CPED1: variants seen among roughly 807,000 people sequenced by gnomAD.
The protein encoded by CPED1 is cadherin like and PC-esterase domain containing 1.
A neutral mutation model predicts 128.2 loss-of-function variants in CPED1; 114 were observed. The ratio of observed to expected loss-of-function variants is 0.89; its 90% CI spans 0.76 to 1.04. CPED1 has a LOEUF of 1.04. CPED1 is among the 50% of genes least tolerant of loss of function. CPED1 has a pLI of 0.00. For synonymous variants in CPED1, 462 were observed against 426.7 expected, an observed-to-expected ratio of 1.08 and a Z score of -1.02; for missense variants, 1,211 against 1,207.1, an observed-to-expected ratio of 1.00 and a Z score of -0.05.
At chr7:121,274,400 G>T (rs1364087392) in intron 22 of CPED1, among the ~76,000 whole-genome samples, 2 of 151,916 alleles carry the variant, frequency 1.3e-5, no homozygotes, top group African/African-American at 4.8e-5. Context: ...AGTTTTTGGT[G>T]TGTAATTATC....
intron 5 of CPED1, among the ~76,000 whole-genome samples, chr7:121,089,350 T>C (rs1467936036): frequency 2.0e-5 from 3 of 152,216 alleles, no homozygotes; most frequent in Non-Finnish European, 2.9e-5. Flanking sequence ...ATATGTTTAC[T>C]TTTAAATAAC....
intron 18 of CPED1, among the ~76,000 whole-genome samples, chr7:121,256,269 G>C (rs1186666721): frequency 6.6e-6 from 1 of 151,864 alleles, no homozygotes; most frequent in Non-Finnish European, 1.5e-5. Flanking sequence ...AAAACTCAGA[G>C]ATAAAGCTGC....
chr7:121,279,440 T>TTA (rs1305567236), intron 22 of CPED1, among the ~76,000 whole-genome samples: 1 of 150,070 alleles, frequency 6.7e-6, no homozygotes, highest in Non-Finnish European at 1.5e-5. Context: ...AGCTACTCAC[T>TTA]CACTCCCCAC....
At chr7:121,036,890 G>A (rs1375080910) in intron 3 of CPED1, among the ~76,000 whole-genome samples, 2 of 152,096 alleles carry the variant, frequency 1.3e-5, no homozygotes, top group Non-Finnish European at 2.9e-5. Flanking sequence ...CTGATAATTA[G>A]TGATGTTGAG....
intron 16 of CPED1, among the ~76,000 whole-genome samples, chr7:121,225,073 G>A (rs563257987): frequency 1.3e-5 from 2 of 152,078 alleles, no homozygotes; most frequent in African/African-American, 4.8e-5. Context: ...TAGCATCGAT[G>A]GTCTTTACAA....
Position 121,100,088 on chromosome 7 carries a change from T to C in CPED1, c.912T>C (p.Thr304=). The part of the protein sequence containing the change: ...VWNPPKKKRF[T]VKLQTFFETF... ...ATCCACCAAAGAAAAAACGCTTCAC[T>C]GTCAAGGTAAGCTCTCGGTTGAAGC... Residue 304 remains threonine, a synonymous_variant, in exon 7 of 23, where the codon ACT becomes ACC. Coordinates refer to ENST00000310396, the MANE Select transcript of CPED1 (RefSeq NM_024913.5). The C allele has an allele frequency of 6.2e-7, 1 of 1,613,360 alleles. No homozygotes were observed. Among genetic ancestry groups the C allele is most frequent in the Non-Finnish European group, 8.5e-7 (1 of 1,179,628 alleles).
chr7:121,005,099 G>A (rs961362881), intron 2 of CPED1, among the ~76,000 whole-genome samples: 5 of 152,002 alleles, frequency 3.3e-5, no homozygotes, highest in African/African-American at 7.3e-5. Flanking sequence ...TTGACAGAAC[G>A]CTTATGAAAC....
intron 16 of CPED1, among the ~76,000 whole-genome samples, chr7:121,179,068 G>A (rs1796845133): frequency 1.3e-5 from 2 of 151,978 alleles, no homozygotes; most frequent in African/African-American, 2.4e-5. Flanking sequence ...ACCGTGTTTT[G>A]GAAACCAAAA....
In CPED1 at chr7:121,130,163, G is replaced by A. The variant is rs1795625950; in HGVS notation, c.1446G>A (p.Met482Ile). 3 of 1,612,800 alleles carry A rather than the reference G, an allele frequency of 1.9e-6. No homozygotes were observed. The highest frequency in any genetic ancestry group is 1.3e-5 in the African/African-American group (1 of 74,846). Residue 482 changes from methionine (M) to isoleucine (I), a missense_variant, in exon 12 of 23, where the codon ATG becomes ATA. Coordinates refer to ENST00000310396, the MANE Select transcript of CPED1 (RefSeq NM_024913.5). ...PSTTPGIQSL[M>I]HEFYDVANPV... is the part of the protein sequence containing the mutation. The stretch of plus-strand genomic sequence containing the variant: ...CTACTCCTGGGATTCAGTCACTGAT[G>A]CATGAATTTTATGATGTGGCAAATC...
At chr7:121,148,509 C>A (rs1366925395) in intron 16 of CPED1, among the ~76,000 whole-genome samples, 2 of 152,062 alleles carry the variant, frequency 1.3e-5, no homozygotes, top group African/African-American at 2.4e-5. Flanking sequence ...TCTTGTCAAC[C>A]CTTTCTATGA....
intron 7 of CPED1, among the ~76,000 whole-genome samples, chr7:121,111,524 A>G (rs1297345755): frequency 6.6e-6 from 1 of 152,176 alleles, no homozygotes; most frequent in Non-Finnish European, 1.5e-5. Context: ...TTTGAAGGAT[A>G]GTAGAGTGGT....
At chr7:121,047,712 C>T (rs867024821) in intron 4 of CPED1, among the ~76,000 whole-genome samples, 1 of 60,152 alleles carries the variant, frequency 1.7e-5, no homozygotes, top group African/African-American at 6.7e-5. Context: ...TCTTCTTCTT[C>T]TTCTTTTTTT....
At chr7:121,031,268 A>T (rs545725617) in intron 3 of CPED1, among the ~76,000 whole-genome samples, 1 of 152,236 alleles carries the variant, frequency 6.6e-6, no homozygotes, top group African/African-American at 2.4e-5. Flanking sequence ...TATTGCATCA[A>T]TGGGTAAAAA....
chr7:120,999,287 C>T (rs1158220469), intron 2 of CPED1, among the ~76,000 whole-genome samples: 1 of 152,138 alleles, frequency 6.6e-6, no homozygotes, highest in East Asian at 1.9e-4. Flanking sequence ...GCCACTTCTA[C>T]ATTAAAGTTG....
chr7:121,189,798 A>AC (rs869279165), intron 16 of CPED1, among the ~76,000 whole-genome samples: 1 of 50,460 alleles, frequency 2.0e-5, no homozygotes, highest in African/African-American at 6.2e-5. Flanking sequence ...ATATATATAT[A>AC]AAATTTGTAT....
chr7:121,109,926 C>G (rs1430173939), intron 7 of CPED1, among the ~76,000 whole-genome samples: 1 of 152,138 alleles, frequency 6.6e-6, no homozygotes, highest in African/African-American at 2.4e-5. Flanking sequence ...TGATTACATC[C>G]TTTCAGGCTG....
intron 4 of CPED1, among the ~76,000 whole-genome samples, chr7:121,048,194 G>A (rs1259328698): frequency 1.3e-5 from 2 of 152,134 alleles, no homozygotes; most frequent in African/African-American, 2.4e-5. Flanking sequence ...TACAGAGCAC[G>A]TTTCCAGGCT....
chr7:121,096,403 A>G (rs1362870766), intron 5 of CPED1, among the ~76,000 whole-genome samples: 1 of 152,166 alleles, frequency 6.6e-6, no homozygotes, highest in Admixed American at 6.6e-5. Flanking sequence ...AGCTAGATAA[A>G]TTATATAATT....
chr7:121,191,277 T>C (rs1584583657), intron 16 of CPED1, among the ~76,000 whole-genome samples: 2 of 152,078 alleles, frequency 1.3e-5, no homozygotes, highest in African/African-American at 4.8e-5. Context: ...TTTGCAGATT[T>C]ATAGGGAAAT....
Sources: gnomAD v4.1 joint callset for allele counts (sites outside exome capture counted in the v4.1 genomes callset) on GRCh38, gnomAD v4.1.1 for gene constraint, MANE v1.5 for transcripts, NCBI Gene and HGNC (gene_info 2026-07-23, HGNC 2026-07-21) for gene names.